Variants in FHIT observed in about 807,000 individuals in gnomAD.
FHIT encodes the protein fragile histidine triad diadenosine triphosphatase.
In FHIT, 19 loss-of-function variants were observed where a neutral mutation model predicts 17.9. The observed-to-expected ratio is 1.06, with a 90% CI of 0.74 to 1.56. The LOEUF is 1.56. Ranked by LOEUF, FHIT falls within the 40% of genes most tolerant of loss-of-function variation. FHIT has a pLI of 0.00. For synonymous variants in FHIT, 81 were observed against 69.7 expected (o/e 1.16, Z -0.81); for missense variants, 248 against 189.2 (o/e 1.31, Z -1.82).
At chr3:60,219,010 C>G (rs965850288) in intron 5 of FHIT, among the ~76,000 whole-genome samples, 4 of 152,140 alleles carry the variant, frequency 2.6e-5, no homozygotes, top group African/African-American at 9.7e-5. Flanking sequence ...TCATGAAGCA[C>G]TGGTGAAACT....
At position 59,770,839 on chromosome 3, in the gene FHIT, C is replaced by T. The variant is rs568733477; in HGVS notation, c.349-18518G>A. ...AGTCCACAACAGGCCTTTCGGACTCCCATGCTCAACCCTTGACCTCACCCA... is the reference window on the plus strand; with the variant it reads ...AGTCCACAACAGGCCTTTCGGACTCTCATGCTCAACCCTTGACCTCACCCA... On this transcript the variant is annotated intron_variant, in intron 8 of 9. Transcript: ENST00000492590. 9.2e-5 allele frequency among the ~76,000 whole-genome samples: 14 copies of T among 152,256 alleles called. 1 individual carries two copies. The East Asian group carries it at 1.4e-3, about 15-fold the overall frequency.
At chr3:60,037,661 C>A (rs994664645) in intron 5 of FHIT, among the ~76,000 whole-genome samples, 2 of 151,272 alleles carry the variant, frequency 1.3e-5, no homozygotes, top group Admixed American at 1.3e-4. Context: ...GGATTACAGG[C>A]ATGAGCCACT....
chr3:59,778,216 T>C (rs1022144933), intron 8 of FHIT, among the ~76,000 whole-genome samples: 10 of 152,160 alleles, frequency 6.6e-5, no homozygotes, highest in Non-Finnish European at 1.5e-4. Flanking sequence ...AAAATGCTAA[T>C]GGAGGAGGTA....
chr3:60,675,583 T>C (rs1459596870), intron 4 of FHIT, among the ~76,000 whole-genome samples: 1 of 152,254 alleles, frequency 6.6e-6, no homozygotes, highest in Non-Finnish European at 1.5e-5. Flanking sequence ...AATACCGTCA[T>C]CACAACCAGC....
At chr3:61,081,397 G>A (rs2035132433) in intron 2 of FHIT, among the ~76,000 whole-genome samples, 1 of 152,184 alleles carries the variant, frequency 6.6e-6, no homozygotes, top group Non-Finnish European at 1.5e-5. Flanking sequence ...AGGAGATTTA[G>A]GTGAATTCCT....
At chr3:59,910,288 T>C (rs998785842) in intron 8 of FHIT, among the ~76,000 whole-genome samples, 56 of 152,116 alleles carry the variant, frequency 3.7e-4, no homozygotes, top group African/African-American at 1.3e-3. Flanking sequence ...AGGAGACACA[T>C]GGTTGCATTC....
intron 1 of FHIT, among the ~76,000 whole-genome samples, chr3:61,210,220 C>T (rs9850114): frequency 3.3e-5 from 5 of 152,058 alleles, no homozygotes; most frequent in East Asian, 1.9e-4. Flanking sequence ...GCCCCTAGTG[C>T]GGGGTACCTC....
intron 4 of FHIT, among the ~76,000 whole-genome samples, chr3:60,798,534 TG>T (rs1336109153): frequency 6.6e-6 from 1 of 152,264 alleles, no homozygotes; most frequent in East Asian, 1.9e-4. Flanking sequence ...GCTTACTAGC[TG>T]GATTTGTTAA....
intron 5 of FHIT, among the ~76,000 whole-genome samples, chr3:60,358,426 AAG>A (rs1321016846): frequency 1.3e-5 from 2 of 152,202 alleles, no homozygotes; most frequent in Non-Finnish European, 2.9e-5. Context: ...GAAAAAAGCA[AAG>A]AAGAAAACAA....
At chr3:60,820,777 A>G (rs1701897010) in intron 4 of FHIT, among the ~76,000 whole-genome samples, 2 of 152,180 alleles carry the variant, frequency 1.3e-5, no homozygotes, top group South Asian at 4.1e-4. Flanking sequence ...TATTCAATAT[A>G]CATATTTATT....
intron 4 of FHIT, among the ~76,000 whole-genome samples, chr3:60,786,636 C>G (rs1700586816): frequency 6.6e-6 from 1 of 152,138 alleles, no homozygotes. Flanking sequence ...GTCTAATTAA[C>G]TTTTATATAT....
chr3:60,436,335 CCA>C lies in FHIT; in HGVS notation c.103+100523_103+100524del, dbSNP rs368386139. Reference sequence around the variant, plus strand: ...AAAGCACTAGAATTACAGGTGTGAGCCACCACACCCAGCCAGTACCACATTTT... The same window carrying C: ...AAAGCACTAGAATTACAGGTGTGAGCCCACACCCAGCCAGTACCACATTTT... On this transcript the variant is annotated intron_variant, in intron 5 of 9. Transcript: ENST00000492590. Among the ~76,000 whole-genome samples, 28 of 152,212 alleles carry C rather than the reference CCA, an allele frequency of 1.8e-4. No individual in the cohort carries two copies. The South Asian group carries it at 5.4e-3, about 29-fold the overall frequency.
At chr3:61,195,879 G>T (rs2038839186) in intron 2 of FHIT, among the ~76,000 whole-genome samples, 1 of 152,122 alleles carries the variant, frequency 6.6e-6, no homozygotes, top group Non-Finnish European at 1.5e-5. Flanking sequence ...TTATAAGGTA[G>T]ATGCCTAAAG....
intron 5 of FHIT, among the ~76,000 whole-genome samples, chr3:60,077,029 G>C (rs1053260239): frequency 6.6e-6 from 1 of 151,414 alleles, no homozygotes; most frequent in Non-Finnish European, 1.5e-5. Context: ...AGAAATAACT[G>C]ATTAAATAAG....
intron 5 of FHIT, among the ~76,000 whole-genome samples, chr3:60,328,812 T>G (rs1231569079): frequency 6.6e-6 from 1 of 152,186 alleles, no homozygotes; most frequent in African/African-American, 2.4e-5. Context: ...CAGGAGCAGT[T>G]TTCCCACCCA....
chr3:59,885,079 G>T (rs899402404), intron 8 of FHIT, among the ~76,000 whole-genome samples: 1 of 152,174 alleles, frequency 6.6e-6, no homozygotes, highest in African/African-American at 2.4e-5. Context: ...TTAAAAATGT[G>T]TTCAAATAAA....
At chr3:60,024,216 C>T (rs549757294) in intron 5 of FHIT, among the ~76,000 whole-genome samples, 1 of 152,170 alleles carries the variant, frequency 6.6e-6, no homozygotes, top group Non-Finnish European at 1.5e-5. Context: ...ATGACAGATA[C>T]TAATGTTAAT....
chr3:59,828,584 C>T (rs377445162), intron 8 of FHIT, among the ~76,000 whole-genome samples: 5 of 152,174 alleles, frequency 3.3e-5, no homozygotes, highest in Non-Finnish European at 7.4e-5. Context: ...CTAGATACAA[C>T]GGTTCACATA....
chr3:60,127,633 A>C (rs9829427), intron 5 of FHIT, among the ~76,000 whole-genome samples: 2,826 of 152,090 alleles, frequency 0.019, 87 homozygotes, highest in African/African-American at 0.064. Context: ...AAAGGGTCTC[A>C]CTCTGTCACC....
Sources: allele counts gnomAD v4.1 joint callset (sites outside exome capture counted in the v4.1 genomes callset), GRCh38; gene constraint gnomAD v4.1.1; transcripts MANE v1.5; gene names NCBI Gene and HGNC (gene_info 2026-07-23, HGNC 2026-07-21).